TBL1Y: variants seen among roughly 807,000 people sequenced by gnomAD.
TBL1Y encodes F-box-like/WD repeat-containing protein TBL1Y.
TBL1Y carries 15 observed loss-of-function variants against 12.0 expected under a neutral mutation model. The ratio of observed to expected loss-of-function variants is 1.25; its 90% confidence interval spans 0.83 to 1.92. The LOEUF (loss-of-function observed/expected upper bound fraction) is 1.92. Among genes scored for constraint, TBL1Y ranks in the 40% most tolerant of loss-of-function variants. TBL1Y has a pLI of 0.00. For synonymous variants in TBL1Y, 53 were observed against 42.6 expected (o/e 1.24, Z -0.95); for missense variants, 148 against 116.7 (o/e 1.27, Z -1.24).
chrY:6,915,285 G>T, intron 2 of TBL1Y, among the ~76,000 whole-genome samples: 1 of 33,536 alleles, frequency 3.0e-5, no homozygotes, highest in African/African-American at 1.2e-4. Flanking sequence ...TGAGATCAAA[G>T]TCTTCTGTAT....
At chrY:6,984,889 G>C in intron 3 of TBL1Y, among the ~76,000 whole-genome samples, 2 of 34,381 alleles carry the variant, frequency 5.8e-5, no homozygotes, top group African/African-American at 2.3e-4. Flanking sequence ...TGACTTCTCT[G>C]TGCTGGGCCC....
intron 15 of TBL1Y, 76 bp downstream of exon 15, chrY:7,086,048 C>T: frequency 3.3e-6 from 1 of 306,931 alleles, no homozygotes. Flanking sequence ...CTCACAGTCA[C>T]ACTTGCATGA....
chrY:6,997,203 G>A, intron 4 of TBL1Y, among the ~76,000 whole-genome samples: 1 of 33,186 alleles, frequency 3.0e-5, no homozygotes, highest in Admixed American at 2.7e-4. Flanking sequence ...ATCACTTGAG[G>A]CCAGGAGTTT....
At chrY:7,038,331 G>A (rs2012705638) in intron 6 of TBL1Y, among the ~76,000 whole-genome samples, 2 of 31,999 alleles carry the variant, frequency 6.3e-5, no homozygotes, top group Admixed American at 2.9e-4. Flanking sequence ...ATCTTACCTC[G>A]TCTGATTGTC....
intron 12 of TBL1Y, among the ~76,000 whole-genome samples, 153 bp downstream of exon 12, chrY:7,071,983 C>T: frequency 6.1e-5 from 2 of 32,826 alleles, no homozygotes; most frequent in Admixed American, 2.8e-4. Context: ...CTGCAGCCTC[C>T]GCCTCAGCAG....
At chrY:6,973,427 CA>C (rs2012220620) in intron 2 of TBL1Y, among the ~76,000 whole-genome samples, 2 of 33,037 alleles carry the variant, frequency 6.1e-5, no homozygotes, top group African/African-American at 1.2e-4. Context: ...TTCAATGGGT[CA>C]GGGGTGTAAG....
chrY:7,016,217 G>A, intron 4 of TBL1Y, among the ~76,000 whole-genome samples: 1 of 32,222 alleles, frequency 3.1e-5, no homozygotes, highest in Non-Finnish European at 7.5e-5. Flanking sequence ...TGGCCTCGCC[G>A]TGAGCACCCA....
chrY:7,090,107 A>G lies in TBL1Y; in HGVS notation c.1465A>G (p.Ser489Gly). Residue 489 changes from serine to glycine, a missense_variant, in exon 18 of 19, where the codon AGC (serine) becomes GGC (glycine). Coordinates refer to ENST00000383032, the MANE Select transcript of TBL1Y (RefSeq NM_033284.2). ...WNTQSGSLVH[S>G]YQGTGGIFEV... ...CTTGCAGAGTGGAAGTCTCGTCCAC[A>G]GCTACCAAGGCACTGGCGGTATCTT... 1 of 398,435 alleles carries G rather than the reference A, an allele frequency of 2.5e-6. No individual in the cohort carries two copies. The highest frequency in any genetic ancestry group is 6.1e-5 in the African/African-American group (1 of 16,408).
intron 4 of TBL1Y, among the ~76,000 whole-genome samples, chrY:7,007,013 A>G (rs567836370): frequency 8.8e-5 from 3 of 34,157 alleles, no homozygotes; most frequent in Admixed American, 2.7e-4. Flanking sequence ...ATATAATTAA[A>G]TATGACAAGA....
chrY:7,068,573 G>A, intron 8 of TBL1Y, among the ~76,000 whole-genome samples: 1 of 31,713 alleles, frequency 3.2e-5, no homozygotes, highest in Non-Finnish European at 7.6e-5. Context: ...TCTAGACTGT[G>A]TCAATGCATT....
At chrY:7,010,486 C>T in intron 4 of TBL1Y, among the ~76,000 whole-genome samples, 1 of 33,941 alleles carries the variant, frequency 2.9e-5, no homozygotes, top group African/African-American at 1.1e-4. Flanking sequence ...AAGAAAGCAG[C>T]CTTTTGTCTA....
At chrY:6,968,052 G>C in intron 2 of TBL1Y, among the ~76,000 whole-genome samples, 1 of 33,265 alleles carries the variant, frequency 3.0e-5, no homozygotes, top group Non-Finnish European at 7.4e-5. Context: ...GTCCTAACAA[G>C]GTCATTCTTC....
chrY:7,066,723 C>G (rs2012988566), intron 8 of TBL1Y, among the ~76,000 whole-genome samples: 1 of 29,079 alleles, frequency 3.4e-5, no homozygotes, highest in Non-Finnish European at 8.1e-5. Flanking sequence ...ATAATCCCAG[C>G]ACTTGGGAGG....
chrY:7,079,878 C>T, intron 13 of TBL1Y, among the ~76,000 whole-genome samples: 1 of 32,743 alleles, frequency 3.1e-5, no homozygotes, highest in East Asian at 8.1e-4. Context: ...TCTCACCTGC[C>T]CTTCTTATCT....
At chrY:6,981,929 T>A (rs983473185) in intron 3 of TBL1Y, among the ~76,000 whole-genome samples, 1 of 33,493 alleles carries the variant, frequency 3.0e-5, no homozygotes, top group Non-Finnish European at 7.4e-5. Context: ...AAATGATTAC[T>A]GCTCAGTAGT....
chrY:6,961,445 C>T (rs2012125687), intron 2 of TBL1Y, among the ~76,000 whole-genome samples: 1 of 32,758 alleles, frequency 3.1e-5, no homozygotes, highest in African/African-American at 1.2e-4. Context: ...TATGGAGGCA[C>T]CTTCATTTGC....
chrY:7,022,483 A>T (rs2012588633), intron 5 of TBL1Y, among the ~76,000 whole-genome samples: 1 of 33,493 alleles, frequency 3.0e-5, no homozygotes, highest in Non-Finnish European at 7.4e-5. Flanking sequence ...ATTTGACTTA[A>T]ATATTTGAAA....
chrY:7,088,481 A>G (rs2013154024), intron 17 of TBL1Y, among the ~76,000 whole-genome samples: 1 of 32,238 alleles, frequency 3.1e-5, no homozygotes, highest in Admixed American at 2.9e-4. Context: ...CTCTCAGGGA[A>G]GGAAGGGAAG....
In TBL1Y at chrY:7,064,130, G is replaced by C. The variant is rs199525748; in HGVS notation, c.438G>C (p.Glu146Asp). The C allele has an allele frequency of 1.5e-3, 595 of 396,761 alleles. No individual in the cohort carries two copies. Among genetic ancestry groups the C allele is most frequent in the Admixed American group, 9.8e-4 (13 of 13,265 alleles). ...KNREATVNGE[E>D]NGAHEINNHS... ...GAGAGGCCACAGTGAACGGGGAAGA[G>C]AATGGAGCACATGAAATCAGTGAGT... Residue 146 changes from glutamate to aspartate, a missense_variant, in exon 8 of 19, where the codon GAG becomes GAC. Coordinates refer to ENST00000383032, the MANE Select transcript of TBL1Y (RefSeq NM_033284.2).
Sources: gnomAD v4.1 joint callset for allele counts (sites outside exome capture counted in the v4.1 genomes callset) on GRCh38, gnomAD v4.1.1 for gene constraint, MANE v1.5 for transcripts, NCBI Gene and HGNC (gene_info 2026-07-23, HGNC 2026-07-21) for gene names.